Variants in PARD3B observed in about 807,000 individuals in gnomAD.
PARD3B encodes the protein partitioning defective 3 homolog B.
In PARD3B, 103 loss-of-function variants were observed where a neutral mutation model predicts 130.2. The observed-to-expected ratio is 0.79, with a 90% CI of 0.67 to 0.93. The LOEUF is 0.93. PARD3B is among the 40% of genes least tolerant of loss of function. PARD3B has a pLI of 0.00. For synonymous variants in PARD3B, 583 were observed against 553.2 expected (o/e 1.05, Z -0.76); for missense variants, 1,609 against 1,499.2 (o/e 1.07, Z -1.21).
Position 205,263,473 on chromosome 2 carries a change from C to T in PARD3B, c.2185+17651C>T, listed in dbSNP as rs2040393681. On this transcript the variant is annotated intron_variant, in intron 16 of 22. Transcript: ENST00000406610. The surrounding 1 kb of genome is among the most constrained non-coding windows in gnomAD (Gnocchi z 4.0). ...TTTAAAGTAAAATTCTGTCATTTCA[C>T]TTCTTATAAACCTTCAATATGGAAC... is the stretch of plus-strand genomic sequence containing the variant. 6.6e-6 allele frequency among the ~76,000 whole-genome samples: 1 copy of T among 151,182 alleles called. No homozygotes were observed. The highest frequency in any genetic ancestry group is 1.5e-5 in the Non-Finnish European group (1 of 67,680).
At chr2:204,795,417 A>T (rs938513486) in intron 2 of PARD3B, among the ~76,000 whole-genome samples, 9 of 152,162 alleles carry the variant, frequency 5.9e-5, no homozygotes, top group African/African-American at 9.7e-5. Context: ...TTCTGAGATG[A>T]CTGGTCACGT....
intron 3 of PARD3B, among the ~76,000 whole-genome samples, chr2:205,026,259 G>A (rs1697020719): frequency 6.6e-6 from 1 of 152,216 alleles, no homozygotes; most frequent in Non-Finnish European, 1.5e-5. Flanking sequence ...CACTAGGGCA[G>A]TCTGGGTGAA....
intron 16 of PARD3B, among the ~76,000 whole-genome samples, chr2:205,267,553 G>A (rs1035318407): frequency 1.3e-5 from 2 of 152,156 alleles, no homozygotes; most frequent in Non-Finnish European, 2.9e-5. Flanking sequence ...GTAGAAGAGA[G>A]GGGAAGGCAT....
chr2:205,210,062 A>G (rs942684949), intron 15 of PARD3B, among the ~76,000 whole-genome samples: 12 of 151,902 alleles, frequency 7.9e-5, no homozygotes, highest in Non-Finnish European at 1.3e-4. Flanking sequence ...AAAATAAAAA[A>G]TTATCTTAAG....
chr2:205,067,204 C>G (rs945832070), intron 4 of PARD3B, among the ~76,000 whole-genome samples: 1 of 144,260 alleles, frequency 6.9e-6, no homozygotes, highest in African/African-American at 2.6e-5. Flanking sequence ...CTCTGTCACT[C>G]AGACTGGAGT....
In PARD3B at chr2:204,887,297, G is replaced by A. The variant is rs577067562; in HGVS notation, c.223-77855G>A. Among the ~76,000 whole-genome samples, 2 of 152,220 alleles carry A rather than the reference G, an allele frequency of 1.3e-5. No homozygotes were observed. Among genetic ancestry groups the A allele is most frequent in the Admixed American group, 6.5e-5 (1 of 15,298 alleles). ...AAACAATGTGATTATTTTCATTTAAGCCTATTTTGGAAGCTGAGTCACTTG... is the reference window on the plus strand; with the variant it reads ...AAACAATGTGATTATTTTCATTTAAACCTATTTTGGAAGCTGAGTCACTTG... On this transcript the variant is annotated intron_variant, in intron 2 of 22. Coordinates refer to ENST00000406610, the MANE Select transcript of PARD3B (RefSeq NM_001302769.2). The surrounding 1 kb of genome is among the most constrained non-coding windows in gnomAD (Gnocchi z 4.2).
chr2:205,049,365 C>G (rs952377559), intron 4 of PARD3B, among the ~76,000 whole-genome samples: 1 of 152,050 alleles, frequency 6.6e-6, no homozygotes, highest in Non-Finnish European at 1.5e-5. Context: ...GGAAGAAACT[C>G]TTATAAAACC....
intron 1 of PARD3B, among the ~76,000 whole-genome samples, chr2:204,581,799 C>T (rs2032571864): frequency 6.6e-6 from 1 of 152,122 alleles, no homozygotes; most frequent in African/African-American, 2.4e-5. Flanking sequence ...AATTTGAATC[C>T]AGGTGGGATG....
rs553140066 is a variant in PARD3B, at chr2:204,811,849, C to A, written c.222+125567C>A. 3.3e-5 allele frequency among the ~76,000 whole-genome samples: 5 copies of A among 152,064 alleles called. No homozygotes were observed. In the South Asian group the frequency reaches 8.3e-4, roughly 25 times the overall value. On this transcript the variant is annotated intron_variant, in intron 2 of 22. Coordinates refer to ENST00000406610, the MANE Select transcript of PARD3B (RefSeq NM_001302769.2). ...AACAAAAAACTAATGTTTGCATAAACCTTTTCTCCTTCATACTATTTTGAT... is the reference window on the plus strand; with the variant it reads ...AACAAAAAACTAATGTTTGCATAAAACTTTTCTCCTTCATACTATTTTGAT...
At chr2:204,786,249 G>A (rs2042007312) in intron 2 of PARD3B, among the ~76,000 whole-genome samples, 1 of 152,084 alleles carries the variant, frequency 6.6e-6, no homozygotes, top group African/African-American at 2.4e-5. Context: ...TAGGATAACA[G>A]GCACAGTTTG....
intron 20 of PARD3B, among the ~76,000 whole-genome samples, chr2:205,494,682 T>C (rs562975053): frequency 2.0e-5 from 3 of 152,334 alleles, no homozygotes; most frequent in Non-Finnish European, 2.9e-5. Context: ...TGTGCTCTGC[T>C]AAATTCCCTC....
chr2:204,724,954 C>CCGCT (rs1400559796), intron 2 of PARD3B, among the ~76,000 whole-genome samples: 1 of 151,968 alleles, frequency 6.6e-6, no homozygotes, highest in African/African-American at 2.4e-5. Context: ...TTTGACTGGG[C>CCGCT]CGCTAGGCAG....
At chr2:204,970,512 G>A in intron 3 of PARD3B, among the ~76,000 whole-genome samples, 1 of 152,224 alleles carries the variant, frequency 6.6e-6, no homozygotes, top group South Asian at 2.1e-4. Flanking sequence ...GGCCATGATG[G>A]TTCCTTGAGT....
intron 21 of PARD3B, among the ~76,000 whole-genome samples, chr2:205,535,245 T>C (rs1363623435): frequency 6.6e-6 from 1 of 152,152 alleles, no homozygotes; most frequent in Non-Finnish European, 1.5e-5. Context: ...GCCCGGTCTT[T>C]CCTTTAACAC....
chr2:204,720,062 CA>C (rs2038924211), intron 2 of PARD3B, among the ~76,000 whole-genome samples: 1 of 136,698 alleles, frequency 7.3e-6, no homozygotes. Flanking sequence ...GTCTTTATGG[CA>C]TTTTTTTGTG....
rs900261729 is a variant in PARD3B at position 205,183,898 on chromosome 2, C to T, written c.1925-1866C>T. Among the ~76,000 whole-genome samples, 1 of 152,038 alleles carries T rather than the reference C, an allele frequency of 6.6e-6. No individual in the cohort carries two copies. Among genetic ancestry groups the T allele is most frequent in the Non-Finnish European group, 1.5e-5 (1 of 67,998 alleles). On this transcript the variant is annotated intron_variant, in intron 13 of 22. Coordinates refer to ENST00000406610, the MANE Select transcript of PARD3B (RefSeq NM_001302769.2). This position sits in a 1 kb window ranked among gnomAD's most constrained non-coding sequence, Gnocchi z 5.2. ...GATGGTGCAGATTGAGTCTGAAGGCCGGAGAACCAGAAAAGCTGGTGGCGT... is the reference window on the plus strand; with the variant it reads ...GATGGTGCAGATTGAGTCTGAAGGCTGGAGAACCAGAAAAGCTGGTGGCGT...
chr2:205,163,568 G>A (rs534314110), intron 11 of PARD3B, among the ~76,000 whole-genome samples: 2 of 152,264 alleles, frequency 1.3e-5, no homozygotes, highest in Non-Finnish European at 2.9e-5. Flanking sequence ...ACCAATACAA[G>A]CAATCATGAT....
chr2:205,263,490 A>G lies in PARD3B; in HGVS notation c.2185+17668A>G, dbSNP rs994604670. Among the ~76,000 whole-genome samples the G allele has an allele frequency of 1.3e-5, 2 of 151,218 alleles. No individual in the cohort carries two copies. On this transcript the variant is annotated intron_variant, in intron 16 of 22. Coordinates refer to ENST00000406610, the MANE Select transcript of PARD3B (RefSeq NM_001302769.2). The surrounding 1 kb of genome is among the most constrained non-coding windows in gnomAD (Gnocchi z 4.0). Reference sequence around the variant, plus strand: ...TCATTTCACTTCTTATAAACCTTCAATATGGAACAATTATATGACCACATG... The same window carrying G: ...TCATTTCACTTCTTATAAACCTTCAGTATGGAACAATTATATGACCACATG...
intron 22 of PARD3B, among the ~76,000 whole-genome samples, chr2:205,580,598 G>A (rs1299317665): frequency 6.6e-6 from 1 of 152,166 alleles, no homozygotes; most frequent in African/African-American, 2.4e-5. Context: ...AATTCAAGGA[G>A]TAAGTTTCAG....
Sources: allele counts gnomAD v4.1 joint callset (sites outside exome capture counted in the v4.1 genomes callset), GRCh38; gene constraint gnomAD v4.1.1; non-coding constraint Gnocchi (gnomAD v3.1); transcripts MANE v1.5; gene names NCBI Gene and HGNC (gene_info 2026-07-23, HGNC 2026-07-21).